GRIN3B: variants seen among roughly 807,000 people sequenced by gnomAD.
The protein encoded by GRIN3B is glutamate receptor ionotropic, NMDA 3B.
Under a neutral mutation model 66.0 loss-of-function variants are expected in GRIN3B, and 77 were observed. The ratio of observed to expected loss-of-function variants is 1.17; its 90% CI spans 0.97 to 1.41. The LOEUF is 1.41. Among genes scored for constraint, GRIN3B ranks in the 40% most tolerant of loss-of-function variants. The pLI, the probability that GRIN3B is intolerant of heterozygous loss-of-function variation, is 0.00. For missense variants in GRIN3B, 1,787 were observed against 1,564.5 expected (o/e 1.14, Z -2.40); for synonymous variants, 823 against 749.7 (o/e 1.10, Z -1.60).
rs745975247 is a variant in GRIN3B at position 1,003,404 on chromosome 19, C to T, written c.701C>T (p.Ala234Val). The T allele has an allele frequency of 1.5e-5, 24 of 1,552,772 alleles. No homozygotes were observed. In the East Asian group the frequency reaches 3.1e-4, roughly 20 times the overall value. The change falls in exon 2 of 9, where the codon GCG (alanine) becomes GTG (valine). Residue 234 changes from alanine (A) to valine (V), a missense_variant. Ala to Val is a moderately conservative substitution (Grantham distance 64). Coordinates refer to ENST00000234389, the MANE Select transcript of GRIN3B (RefSeq NM_138690.3). Reference protein sequence around the residue: ...APVGGEAPVPAAVLLGCDIAR... With the variant: ...APVGGEAPVPVAVLLGCDIAR... ...GTGGGGGGTGAAGCACCGGTACCCG[C>T]GGCGGTCCTCCTCGGCTGTGACATC...
chr19:1,001,228 C>G (rs1399257085), intron 1 of GRIN3B, among the ~76,000 whole-genome samples: 2 of 152,128 alleles, frequency 1.3e-5, no homozygotes, highest in South Asian at 4.2e-4. Flanking sequence ...CAGACCCTTC[C>G]CTGGTCCCTG....
Position 1,000,495 on chromosome 19 carries a change from G to A in GRIN3B, c.58G>A (p.Ala20Thr), listed in dbSNP as rs1339374584. ...GLALALGPGSAGGHPQPCGVL... is the reference protein window; with the variant it reads ...GLALALGPGSTGGHPQPCGVL... ...GGCGCTGGCGCTGGGGCCGGGGTCCGCGGGGGGCCACCCTCAGCCGTGCGG... is the reference window on the plus strand; with the variant it reads ...GGCGCTGGCGCTGGGGCCGGGGTCCACGGGGGGCCACCCTCAGCCGTGCGG... Residue 20 changes from alanine to threonine, a missense_variant, in exon 1 of 9, where the codon GCG becomes ACG. Coordinates refer to ENST00000234389, the MANE Select transcript of GRIN3B (RefSeq NM_138690.3). 45 of 1,202,760 alleles carry A rather than the reference G, an allele frequency of 3.7e-5. No individual in the cohort carries two copies. Among genetic ancestry groups the A allele is most frequent in the Non-Finnish European group, 4.3e-5 (42 of 968,642 alleles). The allele number at this position is 1,202,760 out of a possible 1,614,324, so 74.5% of individuals were successfully genotyped here.
At position 1,003,739 on chromosome 19, in the gene GRIN3B, C is replaced by A; in HGVS notation, c.1019+17C>A. 1 of 1,393,782 alleles carries A rather than the reference C, an allele frequency of 7.2e-7. No homozygotes were observed. The highest frequency in any genetic ancestry group is 9.3e-7 in the Non-Finnish European group (1 of 1,078,524). 86.3% of individuals were successfully genotyped at this position (1,393,782 alleles called of 1,614,324 possible). On this transcript the variant is annotated intron_variant, in intron 2 of 8. Transcript: ENST00000234389. ...CTTGGCACGGTGAGTGGGGACCCTG[C>A]TTCCCTTAGGAGGGTGTCCAGGCCA... is the stretch of plus-strand genomic sequence containing the variant.
At chr19:1,002,180 T>A (rs1369797769) in intron 1 of GRIN3B, 2 of 151,756 alleles carry the variant, frequency 1.3e-5, no homozygotes, top group African/African-American at 4.9e-5. Context: ...AATACAAAAA[T>A]TAACTGGGCG....
rs201293199 is a variant in GRIN3B, at chr19:1,004,754, G to A, written c.1253G>A (p.Arg418His). 119 of 1,611,258 alleles carry A rather than the reference G, an allele frequency of 7.4e-5. No individual in the cohort carries two copies. Among genetic ancestry groups the A allele is most frequent in the Middle Eastern group, 1.6e-4 (1 of 6,082 alleles). ...PQGAQVWPKL[R>H]VVTLLEHPFV... is the part of the protein sequence containing the mutation. ...GGTGCCCAGGTCTGGCCCAAGCTGC[G>A]TGTGGTAACGCTGTTGGAACACCCA... The change falls in exon 3 of 9, where the codon CGT (arginine) becomes CAT (histidine). Residue 418 changes from arginine to histidine, a missense_variant. Transcript: ENST00000234389.
Position 1,009,659 on chromosome 19 carries a change from C to CA in GRIN3B, c.*59dup. On this transcript the variant is annotated 3_prime_UTR_variant, in exon 9 of 9. Transcript: ENST00000234389. ...CACACACAGCGCAGTGAGCCGCTGT[C>CA]AACAGACAGTTTATTCTATATACAA... 1.6e-6 allele frequency: 2 copies of CA among 1,278,470 alleles called. No homozygotes were observed. Among genetic ancestry groups the CA allele is most frequent in the Non-Finnish European group, 2.0e-6 (2 of 988,052 alleles). 79.2% of individuals were successfully genotyped at this position (1,278,470 alleles called of 1,614,324 possible). A position where few individuals can be genotyped will look rare whatever the true frequency, so the allele number is the denominator to read the frequency against.
chr19:1,008,847 G>A lies in GRIN3B; in HGVS notation c.2632-10G>A, dbSNP rs1286396695. 2 of 1,605,402 alleles carry A rather than the reference G, an allele frequency of 1.2e-6. No individual in the cohort carries two copies. The highest frequency in any genetic ancestry group is 1.7e-6 in the Non-Finnish European group (2 of 1,176,248). ...GCCTCCTCGCCAACCGGGTCTGTCTGGGGTCTTAGAAAATCCACCGCGCCC... is the reference window on the plus strand; with the variant it reads ...GCCTCCTCGCCAACCGGGTCTGTCTAGGGTCTTAGAAAATCCACCGCGCCC... On this transcript the variant is annotated splice_polypyrimidine_tract_variant and intron_variant, in intron 7 of 8. Transcript: ENST00000234389.
At position 1,009,666 on chromosome 19, in the gene GRIN3B, C is replaced by T. The variant is rs1004566093; in HGVS notation, c.*64C>T. ...AGCGCAGTGAGCCGCTGTCAACAGA[C>T]AGTTTATTCTATATACAAACACAAT... On this transcript the variant is annotated 3_prime_UTR_variant, in exon 9 of 9. Coordinates refer to ENST00000234389, the MANE Select transcript of GRIN3B (RefSeq NM_138690.3). The T allele has an allele frequency of 8.0e-7, 1 of 1,255,068 alleles. No individual in the cohort carries two copies. The highest frequency in any genetic ancestry group is 1.9e-5 in the South Asian group (1 of 53,882). 77.7% of individuals were successfully genotyped at this position (1,255,068 alleles called of 1,614,324 possible).
Position 1,005,691 on chromosome 19 carries a change from A to C in GRIN3B, c.2052+138A>C, listed in dbSNP as rs1034454486. The C allele has an allele frequency of 1.6e-5, 11 of 676,934 alleles. No homozygotes were observed. The highest frequency in any genetic ancestry group is 2.4e-5 in the Non-Finnish European group (10 of 418,160). 41.9% of individuals were successfully genotyped at this position (676,934 alleles called of 1,614,324 possible). A position where few individuals can be genotyped will look rare whatever the true frequency, so the allele number is the denominator to read the frequency against. On this transcript the variant is annotated intron_variant, in intron 3 of 8. Coordinates refer to ENST00000234389, the MANE Select transcript of GRIN3B (RefSeq NM_138690.3). The surrounding 1 kb of genome is among the most constrained non-coding windows in gnomAD (Gnocchi z 5.2). ...CTCTGGTCCCAAGAGACATTTATTCAATTAATTTATTTATTTAAAGAAAAA... is the reference window on the plus strand; with the variant it reads ...CTCTGGTCCCAAGAGACATTTATTCCATTAATTTATTTATTTAAAGAAAAA...
At chr19:1,004,477 G>A (rs1229134297) in intron 2 of GRIN3B, 44 bp from the exon 3 acceptor site, 6 of 1,496,720 alleles carry the variant, frequency 4.0e-6, no homozygotes, top group Non-Finnish European at 2.7e-6. Context: ...AGGATGGAGG[G>A]GTGTGAACTT....
In GRIN3B at chr19:1,003,549, C is replaced by G; in HGVS notation, c.846C>G (p.Gly282=). 2 of 1,516,612 alleles carry G rather than the reference C, an allele frequency of 1.3e-6. No individual in the cohort carries two copies. The highest frequency in any genetic ancestry group is 1.8e-6 in the Non-Finnish European group (2 of 1,137,860). The allele number at this position is 1,516,612 out of a possible 1,614,324, so 93.9% of individuals were successfully genotyped here. A position where few individuals can be genotyped will look rare whatever the true frequency, so the allele number is the denominator to read the frequency against. Residue 282 remains glycine (G), a synonymous_variant, in exon 2 of 9, where the codon GGC becomes GGG. Transcript: ENST00000234389. Reference sequence around the variant, plus strand: ...TGCCACCAGGGCTGCTGGCGCTGGGCGAGGTGGCACGACCCCCGCTGGAGG... The same window carrying G: ...TGCCACCAGGGCTGCTGGCGCTGGGGGAGGTGGCACGACCCCCGCTGGAGG... ...AGLPPGLLAL[G]EVARPPLEAA...
rs577760723 is a variant in GRIN3B, at chr19:1,007,866, C to T, written c.2209C>T (p.Pro737Ser). 5.0e-6 allele frequency: 8 copies of T among 1,610,788 alleles called. No homozygotes were observed. Among genetic ancestry groups the T allele is most frequent in the African/African-American group, 1.3e-5 (1 of 74,922 alleles). ...RGVAMLTSDP[P>S]KLNAFIMDKS... ...CCCCGGCCCCAGCAGGAGCGACCCC[C>T]CCAAGCTCAACGCCTTCATCATGGA... The change falls in exon 5 of 9, where the codon CCC becomes TCC. Residue 737 changes from proline to serine, a missense_variant. Coordinates refer to ENST00000234389, the MANE Select transcript of GRIN3B (RefSeq NM_138690.3). This position sits in a 1 kb window ranked among gnomAD's most constrained non-coding sequence, Gnocchi z 4.4.
intron 7 of GRIN3B, 30 bp downstream of exon 7, chr19:1,008,812 C>T (rs773923848): frequency 6.3e-7 from 1 of 1,587,468 alleles, no homozygotes; most frequent in Non-Finnish European, 8.6e-7. Flanking sequence ...CGGGCGGCCC[C>T]ACCCCCCCCG....
chr19:1,007,618 C>G lies in GRIN3B; in HGVS notation c.2053-10C>G. Reference sequence around the variant, plus strand: ...GGCAGGCAGAGGCGCTGACGGGGTCCCCCGCGCAGCTGCACCACCCGGCGC... The same window carrying G: ...GGCAGGCAGAGGCGCTGACGGGGTCGCCCGCGCAGCTGCACCACCCGGCGC... On this transcript the variant is annotated splice_polypyrimidine_tract_variant and intron_variant, in intron 3 of 8. Coordinates refer to ENST00000234389, the MANE Select transcript of GRIN3B (RefSeq NM_138690.3). The surrounding 1 kb of genome is among the most constrained non-coding windows in gnomAD (Gnocchi z 4.4). 1 of 1,489,516 alleles carries G rather than the reference C, an allele frequency of 6.7e-7. No homozygotes were observed. The highest frequency in any genetic ancestry group is 8.9e-7 in the Non-Finnish European group (1 of 1,122,792). The allele number at this position is 1,489,516 out of a possible 1,614,324, so 92.3% of individuals were successfully genotyped here. A position where few individuals can be genotyped will look rare whatever the true frequency, so the allele number is the denominator to read the frequency against.
chr19:1,008,086 G>C, intron 5 of GRIN3B, 54 bp from the exon 6 acceptor site: 1 of 1,565,552 alleles, frequency 6.4e-7, no homozygotes, highest in Non-Finnish European at 8.7e-7. Flanking sequence ...TGTGCGGGCA[G>C]AGTTCCCCTG....
Position 1,002,830 on chromosome 19 carries a change from G to C in GRIN3B, c.427-300G>C, listed in dbSNP as rs568204382. ...TTTTGAAGGATGTGTAGGAGTTGGTGGGCATAGAGAGAGAAAGATATTCCA... is the reference window on the plus strand; with the variant it reads ...TTTTGAAGGATGTGTAGGAGTTGGTCGGCATAGAGAGAGAAAGATATTCCA... On this transcript the variant is annotated intron_variant, in intron 1 of 8. Transcript: ENST00000234389. 54 of 313,536 alleles carry C rather than the reference G, an allele frequency of 1.7e-4. 1 individual carries two copies. Among genetic ancestry groups the C allele is most frequent in the Non-Finnish European group, 2.7e-4 (45 of 169,390 alleles). 19.4% of individuals were successfully genotyped at this position (313,536 alleles called of 1,614,324 possible).
chr19:1,004,901 C>G lies in GRIN3B; in HGVS notation c.1400C>G (p.Ser467Ter). The G allele has an allele frequency of 6.3e-7, 1 of 1,589,976 alleles. No homozygotes were observed. Among genetic ancestry groups the G allele is most frequent in the Non-Finnish European group, 8.6e-7 (1 of 1,164,648 alleles). The change falls in exon 3 of 9, where the codon TCA (serine) becomes TGA (stop). Residue 467 changes from serine to a stop codon, truncating the protein, a stop_gained. Coordinates refer to ENST00000234389, the MANE Select transcript of GRIN3B (RefSeq NM_138690.3). LOFTEE classifies it high-confidence loss of function. ...DALFAALANG[S>*]APRALRKCCY... ...CTGTTCGCCGCGCTGGCCAACGGCT[C>G]AGCGCCCCGTGCCCTGCGCAAGTGC... is the stretch of plus-strand genomic sequence containing the variant.
Position 1,007,927 on chromosome 19 carries a change from C to G in GRIN3B, c.2270C>G (p.Ala757Gly). Residue 757 changes from alanine (A) to glycine (G), a missense_variant, in exon 5 of 9, where the codon GCC becomes GGC. By Grantham distance (60) the Ala-to-Gly change is moderately conservative (BLOSUM62 0). Transcript: ENST00000234389. The surrounding 1 kb of genome is among the most constrained non-coding windows in gnomAD (Gnocchi z 4.4). ...SLLDYEVSIDADCKLLTVGKP... is the reference protein window; with the variant it reads ...SLLDYEVSIDGDCKLLTVGKP... ...CTGGACTACGAGGTCTCCATCGACG[C>G]CGACTGCAAACTGCTGACCGTGGGA... 1 of 1,612,102 alleles carries G rather than the reference C, an allele frequency of 6.2e-7. No homozygotes were observed. Among genetic ancestry groups the G allele is most frequent in the Non-Finnish European group, 8.5e-7 (1 of 1,179,676 alleles).
At position 1,009,563 on chromosome 19, in the gene GRIN3B, GGCCCCACCACACTCT is replaced by G; in HGVS notation, c.3095_3109del (p.Ala1032_Ser1036del). 3.3e-6 allele frequency: 3 copies of G among 895,780 alleles called. No individual in the cohort carries two copies. The highest frequency in any genetic ancestry group is 3.7e-5 in the Admixed American group (1 of 26,904). 55.5% of individuals were successfully genotyped at this position (895,780 alleles called of 1,614,324 possible). On this transcript the variant is annotated inframe_deletion, in exon 9 of 9. Coordinates refer to ENST00000234389, the MANE Select transcript of GRIN3B (RefSeq NM_138690.3). ...TTCAGGCCAGAGCGGCCCCCGCGGAGGCCCCACCACACTCTGGCCGACCGGGGAGCCAGGAATGAG... is the reference window on the plus strand; with the variant it reads ...TTCAGGCCAGAGCGGCCCCCGCGGAGGGCCGACCGGGGAGCCAGGAATGAG...
Sources: gnomAD v4.1 joint callset for allele counts (sites outside exome capture counted in the v4.1 genomes callset) on GRCh38, gnomAD v4.1.1 for gene constraint, Gnocchi (gnomAD v3.1) non-coding constraint, MANE v1.5 for transcripts, NCBI Gene and HGNC (gene_info 2026-07-23, HGNC 2026-07-21) for gene names.